PI4KA: variants seen among roughly 807,000 people sequenced by gnomAD.
PI4KA encodes phosphatidylinositol 4-kinase alpha.
In PI4KA, 122 loss-of-function variants were observed where a neutral mutation model predicts 271.4. That is an observed-to-expected ratio of 0.45 (90% CI 0.39 to 0.52). PI4KA has a LOEUF of 0.52. PI4KA is among the 20% of genes least tolerant of loss of function. The probability of loss-of-function intolerance (pLI) is 0.00; values close to 1 mark genes in which losing one functional copy is unlikely to be tolerated. For missense variants in PI4KA, 1,969 were observed against 2,769.1 expected, an observed-to-expected ratio of 0.71 and a Z score of 6.48; for synonymous variants, 1,041 against 1,078.8, an observed-to-expected ratio of 0.96 and a Z score of 0.69.
intron 19 of PI4KA, chr22:20,780,178 T>G: frequency 4.3e-6 from 7 of 1,614,216 alleles, no homozygotes; most frequent in Non-Finnish European, 5.9e-6. Context: ...CAGATGATGA[T>G]TCTCAACTGC....
chr22:20,717,297 C>T (rs1926119159), intron 45 of PI4KA, among the ~76,000 whole-genome samples: 1 of 152,244 alleles, frequency 6.6e-6, no homozygotes, highest in Admixed American at 6.5e-5. Context: ...CCAGGAGCGA[C>T]TTCCCATGGA....
rs576549609 is a variant in PI4KA, at chr22:20,726,360, G to A, written c.4995+128C>T. ...GGGCCTGGGGTAGGGGGAGCAAGGG[G>A]ACTGCTGGGCAGCCCTGCCCCTGAG... On this transcript the variant is annotated intron_variant, in intron 42 of 54. Coordinates refer to ENST00000255882, the MANE Select transcript of PI4KA (RefSeq NM_058004.4). The A allele has an allele frequency of 8.9e-6, 6 of 677,316 alleles. No individual in the cohort carries two copies. The Admixed American group carries it at 1.7e-4, about 19-fold the overall frequency. 42.0% of individuals were successfully genotyped at this position (677,316 alleles called of 1,614,324 possible).
At chr22:20,837,560 A>G (rs1925018910) in intron 2 of PI4KA, among the ~76,000 whole-genome samples, 1 of 152,206 alleles carries the variant, frequency 6.6e-6, no homozygotes, top group Non-Finnish European at 1.5e-5. Context: ...CAAAATTTCC[A>G]GGAGATGGAA....
At position 20,798,624 on chromosome 22, in the gene PI4KA, C is replaced by A. The variant is rs758123459; in HGVS notation, c.2068G>T (p.Val690Leu). 68 of 1,613,648 alleles carry A rather than the reference C, an allele frequency of 4.2e-5. No individual in the cohort carries two copies. The highest frequency in any genetic ancestry group is 5.8e-5 in the Non-Finnish European group (68 of 1,179,646). Residue 690 changes from valine (V) to leucine (L), a missense_variant, in exon 17 of 55, where the codon GTA (valine) becomes TTA (leucine). Transcript: ENST00000255882. Reference protein sequence around the residue: ...QQISVKASSVVYSATKDYKDH... With the variant: ...QQISVKASSVLYSATKDYKDH... ...TTGTAATCTTTGGTGGCTGAGTATA[C>A]AACGGAGCTGGCCTTCACACTGATC... is the stretch of plus-strand genomic sequence containing the variant.
At chr22:20,779,728 G>T (rs745527833) in intron 19 of PI4KA, 2 of 1,614,184 alleles carry the variant, frequency 1.2e-6, no homozygotes, top group Admixed American at 1.7e-5. Flanking sequence ...AACCTCTACC[G>T]AGTGCTGAAA....
At chr22:20,722,336 A>G (rs1208634702) in intron 42 of PI4KA, among the ~76,000 whole-genome samples, 2 of 152,014 alleles carry the variant, frequency 1.3e-5, no homozygotes, top group Non-Finnish European at 2.9e-5. Context: ...ACAGGCGCAC[A>G]CCACCACATC....
chr22:20,714,632 G>A lies in PI4KA; in HGVS notation c.5386C>T (p.Gln1796Ter), dbSNP rs62619942. The change falls in exon 46 of 55, where the codon CAG becomes TAG. Residue 1796 changes from glutamine (Q) to a stop codon, truncating the protein, a stop_gained. Transcript: ENST00000255882. LOFTEE classifies it high-confidence loss of function. ...TGGGTAGGGTGAGGCGCCCACCTCTGCATCGGGGTCCCAGACTTGTAGTCG... is the reference window on the plus strand; with the variant it reads ...TGGGTAGGGTGAGGCGCCCACCTCTACATCGGGGTCCCAGACTTGTAGTCG... ...DIDYKSGTPM[Q>*]SAAKAPYLAK... 6.2e-7 allele frequency: 1 copy of A among 1,614,022 alleles called. No homozygotes were observed. Among genetic ancestry groups the A allele is most frequent in the Non-Finnish European group, 8.5e-7 (1 of 1,179,872 alleles).
chr22:20,801,287 TA>T (rs1226523084), intron 14 of PI4KA, among the ~76,000 whole-genome samples: 1 of 151,840 alleles, frequency 6.6e-6, no homozygotes, highest in Non-Finnish European at 1.5e-5. Context: ...AAACAAGCTT[TA>T]AAAAAGTATA....
intron 42 of PI4KA, among the ~76,000 whole-genome samples, chr22:20,724,261 C>A (rs1045051768): frequency 2.0e-5 from 3 of 150,382 alleles, no homozygotes; most frequent in Non-Finnish European, 4.4e-5. Flanking sequence ...GCTGAGATCA[C>A]ACCATTGCAC....
chr22:20,767,936 A>AATTATTATTATTATTATT (rs58742158), intron 19 of PI4KA, among the ~76,000 whole-genome samples: 2 of 141,544 alleles, frequency 1.4e-5, no homozygotes, highest in African/African-American at 2.6e-5. Context: ...CACCTGGCCT[A>AATTATTATTATTATTATT]ATTATTATTA....
At chr22:20,835,558 C>A (rs1173317177) in intron 2 of PI4KA, among the ~76,000 whole-genome samples, 1 of 151,934 alleles carries the variant, frequency 6.6e-6, no homozygotes, top group African/African-American at 2.4e-5. Context: ...ATGGCAAAAC[C>A]CTGTCTCTAC....
At chr22:20,817,671 C>T (rs1180226806) in intron 7 of PI4KA, among the ~76,000 whole-genome samples, 2 of 118,488 alleles carry the variant, frequency 1.7e-5, no homozygotes, top group South Asian at 2.9e-4. Context: ...AAGGTTGAAG[C>T]TGCGGTGAGC....
intron 19 of PI4KA, among the ~76,000 whole-genome samples, chr22:20,790,653 T>A (rs1188829152): frequency 1.3e-5 from 2 of 149,112 alleles, no homozygotes; most frequent in Non-Finnish European, 3.0e-5. Context: ...AGAGTGAGAC[T>A]CTGTCTCAAA....
rs975137891 is a variant in PI4KA, at chr22:20,858,765, C to T, written c.-40G>A. 1.2e-5 allele frequency: 16 copies of T among 1,371,632 alleles called. No individual in the cohort carries two copies. The African/African-American group carries it at 1.8e-4, about 16-fold the overall frequency. 85.0% of individuals were successfully genotyped at this position (1,371,632 alleles called of 1,614,324 possible). On this transcript the variant is annotated 5_prime_UTR_variant, in exon 1 of 55. Transcript: ENST00000255882. ...CGGCGCTGCCCGCCGGCTCCCCGCTCCTGGCCCGCGAGCGCCCGACCTCAG... is the reference window on the plus strand; with the variant it reads ...CGGCGCTGCCCGCCGGCTCCCCGCTTCTGGCCCGCGAGCGCCCGACCTCAG...
At chr22:20,752,534 T>C (rs1024817265) in intron 25 of PI4KA, among the ~76,000 whole-genome samples, 3 of 152,198 alleles carry the variant, frequency 2.0e-5, no homozygotes, top group Non-Finnish European at 4.4e-5. Flanking sequence ...AGGGTCTGTG[T>C]GGGCTTTTGT....
intron 19 of PI4KA, among the ~76,000 whole-genome samples, chr22:20,783,322 C>T (rs1371482937): frequency 6.6e-6 from 1 of 151,890 alleles, no homozygotes; most frequent in East Asian, 1.9e-4. Flanking sequence ...CTGAGGCTGG[C>T]AGGGTGGCTC....
Position 20,796,102 on chromosome 22 carries a change from G to A in PI4KA, c.2277+44C>T, listed in dbSNP as rs781032506. On this transcript the variant is annotated intron_variant, in intron 18 of 54. Transcript: ENST00000255882. ...CTGAAGACTAAGCCTTGGCCAGCAG[G>A]GATAGGACACTGATGGGGAAGGCAT... The A allele has an allele frequency of 2.2e-5, 35 of 1,571,048 alleles. No homozygotes were observed. In the African/African-American group the frequency reaches 2.7e-4, roughly 12 times the overall value.
At chr22:20,741,090 T>C (rs1021121592) in intron 32 of PI4KA, among the ~76,000 whole-genome samples, 3 of 152,176 alleles carry the variant, frequency 2.0e-5, no homozygotes, top group Non-Finnish European at 4.4e-5. Context: ...AGAAACAACA[T>C]TATAAGGTCT....
At chr22:20,778,020 G>C (rs573274624) in intron 19 of PI4KA, among the ~76,000 whole-genome samples, 1 of 152,280 alleles carries the variant, frequency 6.6e-6, no homozygotes, top group South Asian at 2.1e-4. Flanking sequence ...TTCTAACCCT[G>C]TGTTAGAAGC....
Sources: allele counts gnomAD v4.1 joint callset (sites outside exome capture counted in the v4.1 genomes callset), GRCh38; gene constraint gnomAD v4.1.1; transcripts MANE v1.5; gene names NCBI Gene and HGNC (gene_info 2026-07-23, HGNC 2026-07-21).